MTBP: variants seen among roughly 807,000 people sequenced by gnomAD.
The protein encoded by MTBP is MDM2 binding protein.
A neutral mutation model predicts 117.0 loss-of-function variants in MTBP; 101 were observed. The ratio of observed to expected loss-of-function variants is 0.86; its 90% confidence interval spans 0.73 to 1.02. The LOEUF (loss-of-function observed/expected upper bound fraction) is 1.02, where lower values mean the gene tolerates loss of function less well. Among genes scored for constraint, MTBP ranks in the 50% least tolerant of loss-of-function variants. The pLI, the probability that MTBP is intolerant of heterozygous loss-of-function variation, is 0.00. For synonymous variants in MTBP, 350 were observed against 351.5 expected, an observed-to-expected ratio of 1.00 and a Z score of 0.05; for missense variants, 970 against 1,030.9, an observed-to-expected ratio of 0.94 and a Z score of 0.81.
intron 11 of MTBP, among the ~76,000 whole-genome samples, chr8:120,482,444 G>A (rs1316646489): frequency 6.6e-6 from 1 of 151,752 alleles, no homozygotes; most frequent in Non-Finnish European, 1.5e-5. Flanking sequence ...TGTGTCTGTT[G>A]AACAATAAAG....
At chr8:120,455,639 A>G in intron 6 of MTBP, 60 bp downstream of exon 6, 1 of 1,491,370 alleles carries the variant, frequency 6.7e-7, no homozygotes, top group African/African-American at 1.4e-5. Flanking sequence ...CAATTAACAT[A>G]CTATTCTCTT....
In MTBP at chr8:120,456,677, G is replaced by T; in HGVS notation, c.747+7G>T. 1 of 1,455,808 alleles carries T rather than the reference G, an allele frequency of 6.9e-7. No homozygotes were observed. Among genetic ancestry groups the T allele is most frequent in the Non-Finnish European group, 9.5e-7 (1 of 1,049,170 alleles). The allele number at this position is 1,455,808 out of a possible 1,614,324, so 90.2% of individuals were successfully genotyped here. On this transcript the variant is annotated splice_region_variant and intron_variant, in intron 7 of 21. Transcript: ENST00000305949. ...ACAGATATGGGAAAGAAAGGTAAAT[G>T]GATTATTCACAGTTTGCCAAGTAGG...
chr8:120,466,051 T>C (rs1307015682), intron 10 of MTBP, among the ~76,000 whole-genome samples: 1 of 152,156 alleles, frequency 6.6e-6, no homozygotes, highest in Admixed American at 6.5e-5. Flanking sequence ...TATTACAACA[T>C]ACTTTATTAG....
At chr8:120,501,687 T>G (rs888480729) in intron 14 of MTBP, among the ~76,000 whole-genome samples, 2 of 152,216 alleles carry the variant, frequency 1.3e-5, no homozygotes, top group African/African-American at 4.8e-5. Flanking sequence ...ATGAGTTTAT[T>G]AGAACAATGT....
chr8:120,454,003 A>G, intron 5 of MTBP, 98 bp downstream of exon 5: 1 of 632,472 alleles, frequency 1.6e-6, no homozygotes, highest in South Asian at 3.1e-5. Flanking sequence ...TTCTCACTCT[A>G]ATCTTTAAAT....
intron 15 of MTBP, among the ~76,000 whole-genome samples, chr8:120,504,271 A>T (rs1308498541): frequency 6.6e-6 from 1 of 152,112 alleles, no homozygotes. Flanking sequence ...ATTTTAGATG[A>T]TATCTTATAA....
intron 4 of MTBP, among the ~76,000 whole-genome samples, chr8:120,453,507 C>G (rs753210945): frequency 1.3e-5 from 2 of 151,970 alleles, no homozygotes; most frequent in Non-Finnish European, 1.5e-5. Flanking sequence ...AAAGTTTGGT[C>G]TGTTAGTTAT....
chr8:120,452,026 C>A (rs1225595613), intron 4 of MTBP: 1 of 151,938 alleles, frequency 6.6e-6, no homozygotes. Context: ...ATTTCAGGTA[C>A]CTTTTAAAAT....
At chr8:120,460,623 G>T (rs1201113365) in intron 8 of MTBP, among the ~76,000 whole-genome samples, 1 of 151,984 alleles carries the variant, frequency 6.6e-6, no homozygotes, top group East Asian at 1.9e-4. Context: ...TATTTTTTCT[G>T]AATGGAGCTT....
chr8:120,494,213 A>T (rs1814407679), intron 13 of MTBP, among the ~76,000 whole-genome samples: 1 of 152,214 alleles, frequency 6.6e-6, no homozygotes, highest in Admixed American at 6.5e-5. Flanking sequence ...AGTGTAATGT[A>T]ATAATGCTTT....
chr8:120,502,729 C>A, intron 15 of MTBP, 120 bp downstream of exon 15: 1 of 603,180 alleles, frequency 1.7e-6, no homozygotes, highest in Non-Finnish European at 2.8e-6. Flanking sequence ...AAAAGAAATA[C>A]ATACTTACTG....
chr8:120,486,664 G>T (rs1814223669), intron 11 of MTBP, among the ~76,000 whole-genome samples: 1 of 152,144 alleles, frequency 6.6e-6, no homozygotes, highest in South Asian at 2.1e-4. Flanking sequence ...GAAGCCGAGG[G>T]AGGAGGGAGA....
rs186988125 is a variant in MTBP at position 120,465,404 on chromosome 8, C to T, written c.1047+1643C>T. 1.6e-4 allele frequency among the ~76,000 whole-genome samples: 25 copies of T among 152,206 alleles called. 1 individual carries two copies. The East Asian group carries it at 4.4e-3, about 27-fold the overall frequency. On this transcript the variant is annotated intron_variant, in intron 10 of 21. Coordinates refer to ENST00000305949, the MANE Select transcript of MTBP (RefSeq NM_022045.5). ...CTGGAAATAATAATCCCTCTGTTAC[C>T]TATTTCAGAGTTGTAATAAAAACCA...
At chr8:120,492,806 A>T (rs1814374254) in intron 13 of MTBP, among the ~76,000 whole-genome samples, 1 of 152,140 alleles carries the variant, frequency 6.6e-6, no homozygotes, top group African/African-American at 2.4e-5. Flanking sequence ...TTATTTTGAA[A>T]ATTACATCTA....
At position 120,497,571 on chromosome 8, in the gene MTBP, T is replaced by C; in HGVS notation, c.1609+17T>C. ...TATTAAATGGTAAGTTTTTTATTAC[T>C]TTAAATTTTAGTTCGTGTGTGTGTG... On this transcript the variant is annotated intron_variant, in intron 14 of 21. Coordinates refer to ENST00000305949, the MANE Select transcript of MTBP (RefSeq NM_022045.5). The C allele has an allele frequency of 7.5e-7, 1 of 1,340,038 alleles. No homozygotes were observed. Among genetic ancestry groups the C allele is most frequent in the Non-Finnish European group, 1.0e-6 (1 of 993,810 alleles). The allele number at this position is 1,340,038 out of a possible 1,614,324, so 83.0% of individuals were successfully genotyped here. A position where few individuals can be genotyped will look rare whatever the true frequency, so the allele number is the denominator to read the frequency against.
rs1814493587 is a variant in MTBP at position 120,497,500 on chromosome 8, C to T, written c.1555C>T (p.Pro519Ser). 2 of 1,580,534 alleles carry T rather than the reference C, an allele frequency of 1.3e-6. No individual in the cohort carries two copies. The highest frequency in any genetic ancestry group is 8.7e-7 in the Non-Finnish European group (1 of 1,153,870). The change falls in exon 14 of 22, where the codon CCT becomes TCT. Residue 519 changes from proline to serine, a missense_variant. Pro to Ser is a moderately conservative substitution (Grantham distance 74). Transcript: ENST00000305949. ...TTTAGATTATTTTGATGCTGTGATT[C>T]CTAAAATGATTCTAAGAAAGATGGA... ...HFLDYFDAVI[P>S]KMILRKMDKI...
chr8:120,507,774 CAT>C (rs776996363), intron 16 of MTBP, among the ~76,000 whole-genome samples: 10 of 152,030 alleles, frequency 6.6e-5, no homozygotes, highest in African/African-American at 2.4e-4. Flanking sequence ...ATTTTAATGA[CAT>C]AAAAATTATA....
intron 11 of MTBP, among the ~76,000 whole-genome samples, chr8:120,476,103 T>C (rs1813931373): frequency 1.3e-5 from 2 of 152,086 alleles, no homozygotes; most frequent in African/African-American, 4.8e-5. Context: ...TAATTTTGAA[T>C]GTATCTAAAG....
intron 10 of MTBP, among the ~76,000 whole-genome samples, chr8:120,468,869 T>A (rs1430687580): frequency 2.0e-5 from 3 of 152,122 alleles, no homozygotes; most frequent in Non-Finnish European, 4.4e-5. Flanking sequence ...TTGGAGCTTC[T>A]TTTCGGTCCA....
Sources: allele counts gnomAD v4.1 joint callset (sites outside exome capture counted in the v4.1 genomes callset), GRCh38; gene constraint gnomAD v4.1.1; transcripts MANE v1.5; gene names NCBI Gene and HGNC (gene_info 2026-07-23, HGNC 2026-07-21).